ZNF860: variants seen among roughly 807,000 people sequenced by gnomAD.
ZNF860 encodes the protein zinc finger protein 860.
For missense variants in ZNF860, 641 were observed against 759.2 expected (o/e 0.84, Z 1.83); for synonymous variants, 206 against 248.9 (o/e 0.83, Z 1.62).
chr3:31,986,820 C>G (rs962042691), intron 1 of ZNF860, among the ~76,000 whole-genome samples: 3 of 151,938 alleles, frequency 2.0e-5, no homozygotes, highest in African/African-American at 7.3e-5. Context: ...GCCTGGGCAA[C>G]CTGGAGAGAC....
At position 31,990,301 on chromosome 3, in the gene ZNF860, A is replaced by G. The variant is rs770257415; in HGVS notation, c.1222A>G (p.Ser408Gly). 2.7e-5 allele frequency: 43 copies of G among 1,614,056 alleles called. No homozygotes were observed. Among genetic ancestry groups the G allele is most frequent in the Non-Finnish European group, 3.6e-5 (43 of 1,180,016 alleles). The change falls in exon 2 of 2, where the codon AGT becomes GGT. Residue 408 changes from serine (S) to glycine (G), a missense_variant. By Grantham distance (56) the Ser-to-Gly change is moderately conservative. Transcript: ENST00000360311. ...YKCNDCHKVF[S>G]NATTIANHWR... ...ATGTAATGATTGTCACAAAGTCTTC[A>G]GTAATGCTACAACCATTGCAAATCA...
intron 1 of ZNF860, among the ~76,000 whole-genome samples, chr3:31,983,651 G>A (rs7646462): frequency 0.32 from 48,036 of 152,000 alleles, 10,253 homozygotes; most frequent in African/African-American, 0.6. Flanking sequence ...TGGTGACACT[G>A]TTCCCTGCTC....
downstream of ZNF860, among the ~76,000 whole-genome samples, chr3:31,992,145 CAAAA>C (rs527764918): frequency 3.1e-5 from 2 of 65,554 alleles, no homozygotes; most frequent in Admixed American, 1.8e-4. Context: ...GACTCCATCT[CAAAA>C]AAAAAAAAAA....
chr3:31,989,456 C>G lies in ZNF860; in HGVS notation c.377C>G (p.Ala126Gly). The G allele has an allele frequency of 6.2e-7, 1 of 1,614,216 alleles. No individual in the cohort carries two copies. Among genetic ancestry groups the G allele is most frequent in the Non-Finnish European group, 8.5e-7 (1 of 1,180,030 alleles). Residue 126 changes from alanine (A) to glycine (G), a missense_variant, in exon 2 of 2, where the codon GCA becomes GGA. Transcript: ENST00000360311. The stretch of plus-strand genomic sequence containing the variant: ...GAAGACAAAAGAAATAGCCATGAAG[C>G]AACTATGACACAAATCAAAAAGTTG... The part of the protein sequence containing the change: ...WQEDKRNSHE[A>G]TMTQIKKLTG...
chr3:32,002,382 A>G, the ZNF860 span, among the ~76,000 whole-genome samples: 3 of 152,344 alleles, frequency 2.0e-5, no homozygotes, highest in Middle Eastern at 0.01. Flanking sequence ...AAAGAATTAC[A>G]GTATGGGGCA....
rs1699008633 is a variant in ZNF860 at position 31,990,291 on chromosome 3, C to G, written c.1212C>G (p.His404Gln). Residue 404 changes from histidine to glutamine, a missense_variant, in exon 2 of 2, where the codon CAC (histidine) becomes CAG (glutamine). His to Gln is a conservative substitution (Grantham distance 24). Transcript: ENST00000360311. ...IGKLYKCNDCHKVFSNATTIA... is the reference protein window; with the variant it reads ...IGKLYKCNDCQKVFSNATTIA... ...AACTTTATAAATGTAATGATTGTCACAAAGTCTTCAGTAATGCTACAACCA... is the reference window on the plus strand; with the variant it reads ...AACTTTATAAATGTAATGATTGTCAGAAAGTCTTCAGTAATGCTACAACCA... The G allele has an allele frequency of 6.2e-7, 1 of 1,614,064 alleles. No homozygotes were observed. The highest frequency in any genetic ancestry group is 8.5e-7 in the Non-Finnish European group (1 of 1,179,982).
downstream of ZNF860, among the ~76,000 whole-genome samples, chr3:31,992,809 C>T (rs930888401): frequency 6.6e-6 from 1 of 152,220 alleles, no homozygotes; most frequent in Non-Finnish European, 1.5e-5. Flanking sequence ...GCTTGGGCTA[C>T]ATAGCAAGGT....
chr3:31,992,016 C>T (rs993415438), downstream of ZNF860, among the ~76,000 whole-genome samples: 7 of 151,984 alleles, frequency 4.6e-5, no homozygotes, highest in East Asian at 5.8e-4. Context: ...CGTAGTGGCA[C>T]GCACCAGTAG....
downstream of ZNF860, among the ~76,000 whole-genome samples, chr3:31,996,377 T>C (rs1415631443): frequency 6.6e-6 from 1 of 152,206 alleles, no homozygotes; most frequent in African/African-American, 2.4e-5. Context: ...AAGGGAACAA[T>C]GATATGATTG....
chr3:31,989,527 C>G lies in ZNF860; in HGVS notation c.448C>G (p.Pro150Ala), dbSNP rs767951119. The G allele has an allele frequency of 8.1e-6, 13 of 1,614,158 alleles. No homozygotes were observed. The Admixed American group carries it at 1.0e-4, about 12-fold the overall frequency. The change falls in exon 2 of 2, where the codon CCT becomes GCT. Residue 150 changes from proline (P) to alanine (A), a missense_variant. Coordinates refer to ENST00000360311, the MANE Select transcript of ZNF860 (RefSeq NM_001137674.3). The stretch of plus-strand genomic sequence containing the variant: ...TGATCGAAGGCATCCTGGAAACAAG[C>G]CTATCAAAGATCAGCTTGGATTAAG... ...RYDRRHPGNK[P>A]IKDQLGLSFH...
chr3:32,003,982 A>G, the ZNF860 span, among the ~76,000 whole-genome samples: 3 of 152,186 alleles, frequency 2.0e-5, no homozygotes, highest in Non-Finnish European at 4.4e-5. Flanking sequence ...AAAGTGAGAT[A>G]AAAGGAGTTG....
chr3:31,988,991 GT>G lies in ZNF860; in HGVS notation c.-86del. The G allele has an allele frequency of 6.5e-7, 1 of 1,532,514 alleles. No homozygotes were observed. 94.9% of individuals were successfully genotyped at this position (1,532,514 alleles called of 1,614,324 possible). A position where few individuals can be genotyped will look rare whatever the true frequency, so the allele number is the denominator to read the frequency against. Reference sequence around the variant, plus strand: ...TAAGCCACGAAGTTTGTGATAATTTGTTTCTCGGAAACAGATAACTAATACA... The same window carrying G: ...TAAGCCACGAAGTTTGTGATAATTTGTTCTCGGAAACAGATAACTAATACA... On this transcript the variant is annotated 5_prime_UTR_variant, in exon 2 of 2. Transcript: ENST00000360311.
At chr3:31,995,891 G>A (rs62244404), downstream of ZNF860, among the ~76,000 whole-genome samples, 591 of 152,276 alleles carry the variant, frequency 3.9e-3, 4 homozygotes, top group Middle Eastern at 0.024. Flanking sequence ...GTGCAAAGCC[G>A]CTGTTAATAA....
the ZNF860 span, among the ~76,000 whole-genome samples, chr3:32,000,060 A>G: frequency 8.0e-4 from 121 of 152,192 alleles, 1 homozygote; most frequent in African/African-American, 2.6e-3. Flanking sequence ...TCATGGTCCA[A>G]TGGTTATCTT....
At chr3:31,983,700 G>A (rs1361587895) in intron 1 of ZNF860, among the ~76,000 whole-genome samples, 1 of 152,204 alleles carries the variant, frequency 6.6e-6, no homozygotes, top group Non-Finnish European at 1.5e-5. Flanking sequence ...TGGAGTTATG[G>A]ATTACAAGTC....
the ZNF860 span, among the ~76,000 whole-genome samples, chr3:32,000,783 C>A: frequency 6.6e-6 from 1 of 152,160 alleles, no homozygotes; most frequent in Non-Finnish European, 1.5e-5. Context: ...GCACTCTCCC[C>A]CTTCTTCCTG....
Position 31,990,825 on chromosome 3 carries a change from A to G in ZNF860, c.1746A>G (p.Ala582=). Residue 582 remains alanine (A), a synonymous_variant, in exon 2 of 2, where the codon GCA becomes GCG. Transcript: ENST00000360311. ...CCTTCAGTCAAGCTTCATCTTATGC[A>G]AAACAAAGGAGAATTCATATGGGAG... The part of the protein sequence containing the change: ...DEAFSQASSY[A]KQRRIHMGEK... 6.3e-7 allele frequency: 1 copy of G among 1,596,212 alleles called. No individual in the cohort carries two copies. Among genetic ancestry groups the G allele is most frequent in the Non-Finnish European group, 8.5e-7 (1 of 1,170,332 alleles).
rs531025598 is a variant in ZNF860, at chr3:31,991,034, G to A, written c.*56G>A. Reference sequence around the variant, plus strand: ...CATTCCTGAGATAATTGTTCCAAATGCAATGAGTATAGCAAACCATCAAGC... The same window carrying A: ...CATTCCTGAGATAATTGTTCCAAATACAATGAGTATAGCAAACCATCAAGC... On this transcript the variant is annotated 3_prime_UTR_variant, in exon 2 of 2. Transcript: ENST00000360311. 47 of 1,477,676 alleles carry A rather than the reference G, an allele frequency of 3.2e-5. No homozygotes were observed. The highest frequency in any genetic ancestry group is 1.8e-4 in the Middle Eastern group (1 of 5,620). 91.5% of individuals were successfully genotyped at this position (1,477,676 alleles called of 1,614,324 possible). A position where few individuals can be genotyped will look rare whatever the true frequency, so the allele number is the denominator to read the frequency against.
chr3:31,982,138 G>T (rs1698863300), intron 1 of ZNF860, among the ~76,000 whole-genome samples: 1 of 152,144 alleles, frequency 6.6e-6, no homozygotes, highest in Non-Finnish European at 1.5e-5. Context: ...AGGAGCAGAG[G>T]CTCTGAAACC....
Sources: gnomAD v4.1 joint callset for allele counts (sites outside exome capture counted in the v4.1 genomes callset) on GRCh38, gnomAD v4.1.1 for gene constraint, MANE v1.5 for transcripts, NCBI Gene and HGNC (gene_info 2026-07-23, HGNC 2026-07-21) for gene names.